DCC: variants seen among roughly 807,000 people sequenced by gnomAD.
The protein encoded by DCC is netrin receptor DCC.
DCC carries 58 observed loss-of-function variants against 172.5 expected under a neutral mutation model. The observed-to-expected ratio is 0.34, with a 90% CI of 0.27 to 0.42. DCC has a LOEUF of 0.42. Among genes scored for constraint, DCC ranks in the 10% least tolerant of loss-of-function variants. The probability of loss-of-function intolerance (pLI) is 1.00; values close to 1 mark genes in which losing one functional copy is unlikely to be tolerated. For missense variants in DCC, 1,740 were observed against 1,791.0 expected (o/e 0.97, Z 0.51); for synonymous variants, 709 against 644.5 (o/e 1.10, Z -1.52).
intron 2 of DCC, among the ~76,000 whole-genome samples, chr18:52,759,886 A>T (rs2037131789): frequency 6.6e-6 from 1 of 152,220 alleles, no homozygotes; most frequent in African/African-American, 2.4e-5. Context: ...ACCCCTAGGG[A>T]AAGCTTTATA....
chr18:53,488,367 T>C (rs1426227001), intron 26 of DCC, among the ~76,000 whole-genome samples: 3 of 152,088 alleles, frequency 2.0e-5, no homozygotes, highest in Non-Finnish European at 4.4e-5. Flanking sequence ...GGAGCTAGAC[T>C]CTATTTATTT....
rs533051111 is a variant in DCC at position 53,484,015 on chromosome 18, A to AGT, written c.3737-2773_3737-2772dup. 1.4e-3 allele frequency among the ~76,000 whole-genome samples: 214 copies of AGT among 151,008 alleles called. 1 individual carries two copies. Among genetic ancestry groups the AGT allele is most frequent in the African/African-American group, 5.0e-3 (206 of 41,174 alleles). ...GATAGATAGATAGATAGATAGATAT[A>AGT]GTGTGTGTGTATATATATATGAATG... On this transcript the variant is annotated intron_variant, in intron 25 of 28. Transcript: ENST00000442544.
At chr18:52,453,779 TCTTTC>T (rs1458721685) in intron 1 of DCC, among the ~76,000 whole-genome samples, 3 of 152,190 alleles carry the variant, frequency 2.0e-5, no homozygotes, top group Non-Finnish European at 2.9e-5. Context: ...AACGGATTTG[TCTTTC>T]CTTTCATCTA....
intron 24 of DCC, among the ~76,000 whole-genome samples, chr18:53,464,529 T>C (rs1192113103): frequency 6.6e-6 from 1 of 152,066 alleles, no homozygotes; most frequent in Non-Finnish European, 1.5e-5. Flanking sequence ...AAAGTGTTAC[T>C]ACCAAAAAAT....
At chr18:53,414,132 A>T (rs1164041807) in intron 20 of DCC, among the ~76,000 whole-genome samples, 3 of 152,166 alleles carry the variant, frequency 2.0e-5, no homozygotes, top group African/African-American at 7.2e-5. Context: ...TGGCTGGTAA[A>T]CCTTTAAAAA....
chr18:53,263,320 T>A (rs2056628094), intron 12 of DCC, among the ~76,000 whole-genome samples: 1 of 151,866 alleles, frequency 6.6e-6, no homozygotes. Flanking sequence ...TCTGGCTAAT[T>A]TTTATATTTT....
chr18:52,469,113 A>C (rs1468944931), intron 1 of DCC, among the ~76,000 whole-genome samples: 1 of 152,188 alleles, frequency 6.6e-6, no homozygotes, highest in South Asian at 2.1e-4. Flanking sequence ...GCTGGAGTGC[A>C]GTGGCGCGAT....
chr18:52,678,689 G>A (rs2035688419), intron 1 of DCC, among the ~76,000 whole-genome samples: 1 of 152,102 alleles, frequency 6.6e-6, no homozygotes, highest in African/African-American at 2.4e-5. Flanking sequence ...ATGAATATAT[G>A]CACACACAGT....
At position 53,179,136 on chromosome 18, in the gene DCC, G is replaced by A. The variant is rs1346511491; in HGVS notation, c.1573+20G>A. 6.2e-7 allele frequency: 1 copy of A among 1,610,436 alleles called. No homozygotes were observed. Among genetic ancestry groups the A allele is most frequent in the Non-Finnish European group, 8.5e-7 (1 of 1,177,376 alleles). ...CTGAGTGTGAGTATGAAAAGGAACG[G>A]GCCACATTTAAAAAGTATTTATTTT... is the stretch of plus-strand genomic sequence containing the variant. On this transcript the variant is annotated intron_variant, in intron 9 of 28. Transcript: ENST00000442544.
intron 1 of DCC, among the ~76,000 whole-genome samples, chr18:52,576,772 G>GT (rs1379356353): frequency 6.7e-6 from 1 of 149,458 alleles, no homozygotes; most frequent in Non-Finnish European, 1.5e-5. Flanking sequence ...AGAGCTTGCA[G>GT]TAAGCTGAGA....
chr18:53,275,216 A>C (rs2056791490), intron 12 of DCC, among the ~76,000 whole-genome samples: 1 of 152,092 alleles, frequency 6.6e-6, no homozygotes, highest in South Asian at 2.1e-4. Flanking sequence ...ACTATTAGAG[A>C]ACAACATATA....
chr18:53,335,141 A>G (rs2057577408), intron 14 of DCC, among the ~76,000 whole-genome samples: 1 of 152,000 alleles, frequency 6.6e-6, no homozygotes, highest in Admixed American at 6.6e-5. Context: ...CTGAATACCA[A>G]ACTCATCCCT....
chr18:53,333,140 T>C (rs2057550643), intron 14 of DCC, among the ~76,000 whole-genome samples: 5 of 151,842 alleles, frequency 3.3e-5, no homozygotes, highest in Admixed American at 3.3e-4. Context: ...AAAGTAGAGT[T>C]CAGTGGTGAA....
chr18:53,229,253 AAC>A (rs758790141), intron 12 of DCC, among the ~76,000 whole-genome samples: 25 of 152,270 alleles, frequency 1.6e-4, no homozygotes, highest in Non-Finnish European at 3.1e-4. Flanking sequence ...GTTATGCAAA[AAC>A]ACAGATTGGT....
At chr18:52,459,042 G>A (rs73459096) in intron 1 of DCC, among the ~76,000 whole-genome samples, 11 of 152,184 alleles carry the variant, frequency 7.2e-5, no homozygotes, top group African/African-American at 2.4e-4. Flanking sequence ...GAAGCCGCCT[G>A]TAAATTAGTT....
chr18:53,254,854 T>C (rs143416033), intron 12 of DCC, among the ~76,000 whole-genome samples: 181 of 152,202 alleles, frequency 1.2e-3, no homozygotes, highest in African/African-American at 4.2e-3. Context: ...AATATTTCTA[T>C]GAAACATAGT....
intron 1 of DCC, among the ~76,000 whole-genome samples, chr18:52,607,817 A>G (rs1459914302): frequency 6.6e-6 from 1 of 152,172 alleles, no homozygotes; most frequent in East Asian, 1.9e-4. Context: ...AAGCATTAAA[A>G]ACAAACAAAA....
chr18:53,335,645 T>C (rs2057583287), intron 14 of DCC, among the ~76,000 whole-genome samples: 1 of 152,152 alleles, frequency 6.6e-6, no homozygotes, highest in Non-Finnish European at 1.5e-5. Context: ...CATAATTCAA[T>C]AATATAATCA....
At chr18:53,437,138 G>T (rs1398660136) in intron 22 of DCC, among the ~76,000 whole-genome samples, 2 of 152,080 alleles carry the variant, frequency 1.3e-5, no homozygotes, top group East Asian at 3.9e-4. Context: ...CTCTTTCCAG[G>T]CTACTCACAA....
Sources: allele counts gnomAD v4.1 joint callset (sites outside exome capture counted in the v4.1 genomes callset), GRCh38; gene constraint gnomAD v4.1.1; transcripts MANE v1.5; gene names NCBI Gene and HGNC (gene_info 2026-07-23, HGNC 2026-07-21).